EPHA10: variants seen among roughly 807,000 people sequenced by gnomAD.
The protein encoded by EPHA10 is EPH receptor A10, also known as ephrin type-A receptor 10.
EPHA10 carries 120 observed loss-of-function variants against 109.7 expected under a neutral mutation model. That is an observed-to-expected ratio of 1.09 (90% CI 0.94 to 1.27). EPHA10 has a LOEUF of 1.27. Ranked by LOEUF, EPHA10 falls within the 50% of genes most tolerant of loss-of-function variation. The pLI, the probability that EPHA10 is intolerant of heterozygous loss-of-function variation, is 0.00. For synonymous variants in EPHA10, 640 were observed against 618.9 expected (o/e 1.03, Z -0.51); for missense variants, 1,396 against 1,411.1 (o/e 0.99, Z 0.17).
chr1:37,720,728 A>T lies in EPHA10; in HGVS notation c.2208+55T>A. ...GCCCTACCAAAGAGAAAAGTGAGGGACCCCTGCCCGCTTTACAGAATAAAG... is the reference window on the plus strand; with the variant it reads ...GCCCTACCAAAGAGAAAAGTGAGGGTCCCCTGCCCGCTTTACAGAATAAAG... On this transcript the variant is annotated intron_variant, in intron 12 of 16. Transcript: ENST00000373048. 1.9e-6 allele frequency: 3 copies of T among 1,598,932 alleles called. No homozygotes were observed. In the South Asian group the frequency reaches 3.3e-5, roughly 18 times the overall value.
rs979766906 is a variant in EPHA10, at chr1:37,716,853, C to A, written c.*1519G>T. 1 of 232,998 alleles carries A rather than the reference C, an allele frequency of 4.3e-6. No individual in the cohort carries two copies. The highest frequency in any genetic ancestry group is 8.5e-6 in the Non-Finnish European group (1 of 117,974). 14.4% of individuals were successfully genotyped at this position (232,998 alleles called of 1,614,324 possible). On this transcript the variant is annotated 3_prime_UTR_variant, in exon 17 of 17. Coordinates refer to ENST00000373048, the MANE Select transcript of EPHA10 (RefSeq NM_001099439.2). ...CACATTAAGAGAGTGGCTATCTCCC[C>A]CTCCAGCCCACCTACCCACTGACCC... is the stretch of plus-strand genomic sequence containing the variant.
rs1569606160 is a variant in EPHA10, at chr1:37,717,524, A to C, written c.*848T>G. ...GGACCCATCTCTGAGTCTCCTCTTC[A>C]CCCTCCCCATGGCTGGAGAGAAAAG... On this transcript the variant is annotated 3_prime_UTR_variant, in exon 17 of 17. Transcript: ENST00000373048. 1 of 231,340 alleles carries C rather than the reference A, an allele frequency of 4.3e-6. No homozygotes were observed. The highest frequency in any genetic ancestry group is 6.1e-5 in the East Asian group (1 of 16,326). The allele number at this position is 231,340 out of a possible 1,614,324, so 14.3% of individuals were successfully genotyped here.
chr1:37,762,771 A>C lies in EPHA10; in HGVS notation c.171+14T>G. On this transcript the variant is annotated intron_variant, in intron 2 of 16. Transcript: ENST00000373048. ...GAGGATCCCTGGGACAGGGAGGGAC[A>C]CTTGTGCACTTACCCCATTACTTGG... is the stretch of plus-strand genomic sequence containing the variant. The C allele has an allele frequency of 1.3e-6, 2 of 1,545,668 alleles. No individual in the cohort carries two copies. Among genetic ancestry groups the C allele is most frequent in the Non-Finnish European group, 1.7e-6 (2 of 1,143,908 alleles).
At chr1:37,744,051 C>T (rs1389980524) in intron 5 of EPHA10, among the ~76,000 whole-genome samples, 2 of 152,064 alleles carry the variant, frequency 1.3e-5, no homozygotes, top group African/African-American at 2.4e-5. Flanking sequence ...AAAATAAAAG[C>T]AAGTCATCTG....
rs1366435606 is a variant in EPHA10 at position 37,764,971 on chromosome 1, G to A, written c.96C>T (p.Thr32=). The A allele has an allele frequency of 1.9e-6, 3 of 1,607,590 alleles. No homozygotes were observed. The highest frequency in any genetic ancestry group is 3.4e-5 in the Admixed American group (2 of 59,100). The change falls in exon 1 of 17, where the codon ACC becomes ACT. Residue 32 remains threonine (T), a synonymous_variant. Coordinates refer to ENST00000373048, the MANE Select transcript of EPHA10 (RefSeq NM_001099439.2). This position sits in a 1 kb window ranked among gnomAD's most constrained non-coding sequence, Gnocchi z 5.8. ...CACCAGTCTTCTCACCTTCCTCGGCGGTCCCAGGCCGCCAGGGTCCCAAAA... is the reference window on the plus strand; with the variant it reads ...CACCAGTCTTCTCACCTTCCTCGGCAGTCCCAGGCCGCCAGGGTCCCAAAA... ...ALLLGPWRPG[T]AEEVILLDSK...
downstream of EPHA10, chr1:37,715,927 A>G (rs1645684809): frequency 1.7e-6 from 1 of 571,618 alleles, no homozygotes; most frequent in South Asian, 1.4e-5. Flanking sequence ...AAGCCCTTCC[A>G]CACCAGCTAT....
chr1:37,723,519 C>T, intron 8 of EPHA10, 147 bp from the exon 9 acceptor site: 3 of 932,142 alleles, frequency 3.2e-6, no homozygotes, highest in Non-Finnish European at 3.2e-6. Context: ...GGTTTAAAAG[C>T]TTCTCTGTGG....
At chr1:37,724,034 A>C (rs1277334570) in intron 8 of EPHA10, among the ~76,000 whole-genome samples, 1 of 152,260 alleles carries the variant, frequency 6.6e-6, no homozygotes, top group African/African-American at 2.4e-5. Context: ...GGGTTGAAGC[A>C]GAGGAGTGCA....
chr1:37,739,625 G>A (rs1321051028), intron 5 of EPHA10, among the ~76,000 whole-genome samples: 1 of 150,608 alleles, frequency 6.6e-6, no homozygotes, highest in South Asian at 2.1e-4. Context: ...GGAAGTGGAG[G>A]TTGCAGTGAG....
At chr1:37,755,062 A>G (rs1044330409) in intron 3 of EPHA10, among the ~76,000 whole-genome samples, 3 of 152,146 alleles carry the variant, frequency 2.0e-5, no homozygotes, top group South Asian at 2.1e-4. Context: ...GGTCTCCCAA[A>G]GTGCCAAAAT....
chr1:37,754,134 C>T lies in EPHA10; in HGVS notation c.1006+81G>A. ...CGCCCCAGTGCGGAGACCCTGCCCT[C>T]ACCACCACCTGGATCAGGCCTTCCT... On this transcript the variant is annotated intron_variant, in intron 4 of 16. Coordinates refer to ENST00000373048, the MANE Select transcript of EPHA10 (RefSeq NM_001099439.2). The surrounding 1 kb of genome is among the most constrained non-coding windows in gnomAD (Gnocchi z 4.5). The T allele has an allele frequency of 1.6e-6, 2 of 1,239,456 alleles. No individual in the cohort carries two copies. Among genetic ancestry groups the T allele is most frequent in the Non-Finnish European group, 2.0e-6 (2 of 983,032 alleles). 76.8% of individuals were successfully genotyped at this position (1,239,456 alleles called of 1,614,324 possible).
intron 7 of EPHA10, 96 bp downstream of exon 7, chr1:37,731,315 C>T: frequency 7.4e-7 from 1 of 1,344,380 alleles, no homozygotes; most frequent in Non-Finnish European, 1.0e-6. Flanking sequence ...GCACAGATAA[C>T]TCCAGATAAC....
chr1:37,752,517 A>G (rs1646342901), intron 5 of EPHA10, among the ~76,000 whole-genome samples: 1 of 152,164 alleles, frequency 6.6e-6, no homozygotes, highest in South Asian at 2.1e-4. Flanking sequence ...CTGAGAAATC[A>G]GCGGCGAGGC....
At chr1:37,749,849 C>T (rs1028078807) in intron 5 of EPHA10, among the ~76,000 whole-genome samples, 7 of 152,150 alleles carry the variant, frequency 4.6e-5, no homozygotes, top group African/African-American at 1.4e-4. Flanking sequence ...GCCTATGACA[C>T]GCCTAGGCTA....
Position 37,717,877 on chromosome 1 carries a change from C to G in EPHA10, c.*495G>C, listed in dbSNP as rs1415976311. On this transcript the variant is annotated 3_prime_UTR_variant, in exon 17 of 17. Transcript: ENST00000373048. ...TGAGGTGGATGCACCTCTGGCCCAG[C>G]CCCCGACGCCTGAGCCACCAGGCAG... 3 of 239,042 alleles carry G rather than the reference C, an allele frequency of 1.3e-5. No individual in the cohort carries two copies. The highest frequency in any genetic ancestry group is 1.6e-4 in the South Asian group (1 of 6,372). The allele number at this position is 239,042 out of a possible 1,614,324, so 14.8% of individuals were successfully genotyped here. A position where few individuals can be genotyped will look rare whatever the true frequency, so the allele number is the denominator to read the frequency against.
At chr1:37,742,761 G>T (rs1398174075) in intron 5 of EPHA10, among the ~76,000 whole-genome samples, 1 of 152,126 alleles carries the variant, frequency 6.6e-6, no homozygotes, top group Non-Finnish European at 1.5e-5. Flanking sequence ...ATAGATGGGG[G>T]TCTTGCTTGA....
chr1:37,751,542 C>A (rs1484136881), intron 5 of EPHA10, among the ~76,000 whole-genome samples: 1 of 146,842 alleles, frequency 6.8e-6, no homozygotes, highest in Non-Finnish European at 1.5e-5. Context: ...ACACTCCAGC[C>A]TGGGTGACGA....
At position 37,764,585 on chromosome 1, in the gene EPHA10, G is replaced by A. The variant is rs1646459477; in HGVS notation, c.106+376C>T. Among the ~76,000 whole-genome samples the A allele has an allele frequency of 6.6e-6, 1 of 151,998 alleles. No homozygotes were observed. The highest frequency in any genetic ancestry group is 1.5e-5 in the Non-Finnish European group (1 of 67,996). On this transcript the variant is annotated intron_variant, in intron 1 of 16. Transcript: ENST00000373048. The surrounding 1 kb of genome is among the most constrained non-coding windows in gnomAD (Gnocchi z 5.8). Reference sequence around the variant, plus strand: ...GCCCCTGTAGTCCGGGCTCCATCCCGTCTCCCCATATTCCGAGCTCACCTC... The same window carrying A: ...GCCCCTGTAGTCCGGGCTCCATCCCATCTCCCCATATTCCGAGCTCACCTC...
chr1:37,718,531 C>T (rs2148301635), intron 16 of EPHA10, 45 bp from the exon 17 acceptor site: 3 of 1,611,938 alleles, frequency 1.9e-6, no homozygotes, highest in Middle Eastern at 1.6e-4. Flanking sequence ...TCCCCAACTT[C>T]TGCTCCTCCC....
Sources: allele counts gnomAD v4.1 joint callset (sites outside exome capture counted in the v4.1 genomes callset), GRCh38; gene constraint gnomAD v4.1.1; non-coding constraint Gnocchi (gnomAD v3.1); transcripts MANE v1.5; gene names NCBI Gene and HGNC (gene_info 2026-07-23, HGNC 2026-07-21).